Variants in KCNJ6 observed in about 807,000 individuals in gnomAD.
The protein encoded by KCNJ6 is potassium inwardly rectifying channel subfamily J member 6, also known as G protein-activated inward rectifier potassium channel 2.
KCNJ6 carries 9 observed loss-of-function variants against 34.2 expected under a neutral mutation model. That is an observed-to-expected ratio of 0.26 (90% CI 0.16 to 0.46). The LOEUF is 0.46. KCNJ6 is among the 20% of genes least tolerant of loss of function. The pLI is 1.00. For missense variants in KCNJ6, 236 were observed against 531.3 expected (o/e 0.44, Z 5.46); for synonymous variants, 196 against 207.1 (o/e 0.95, Z 0.46).
At chr21:37,900,774 G>C (rs1468859850) in intron 1 of KCNJ6, among the ~76,000 whole-genome samples, 4 of 152,174 alleles carry the variant, frequency 2.6e-5, no homozygotes, top group Admixed American at 2.0e-4. Context: ...TAGAGAAACA[G>C]CATGAGGCCA....
At chr21:37,823,165 C>G (rs2055382382) in intron 2 of KCNJ6, among the ~76,000 whole-genome samples, 2 of 152,150 alleles carry the variant, frequency 1.3e-5, no homozygotes, top group African/African-American at 4.8e-5. Context: ...ACCTGCCGAA[C>G]CAGCCCCCAC....
chr21:37,634,336 C>T (rs2054347322), intron 3 of KCNJ6, among the ~76,000 whole-genome samples: 2 of 152,174 alleles, frequency 1.3e-5, no homozygotes, highest in African/African-American at 4.8e-5. Context: ...ATGTGAGCGT[C>T]ATGCACCTGC....
intron 1 of KCNJ6, among the ~76,000 whole-genome samples, chr21:37,891,316 CAG>C (rs1314303542): frequency 6.6e-6 from 1 of 152,092 alleles, no homozygotes; most frequent in Non-Finnish European, 1.5e-5. Flanking sequence ...CACATAGACA[CAG>C]AGACAGATAC....
At chr21:37,665,258 G>T (rs1374531444) in intron 3 of KCNJ6, among the ~76,000 whole-genome samples, 1 of 152,174 alleles carries the variant, frequency 6.6e-6, no homozygotes, top group South Asian at 2.1e-4. Flanking sequence ...TAAATAAACA[G>T]TAACTATTAT....
At chr21:37,626,470 T>C (rs2054311684) in intron 3 of KCNJ6, among the ~76,000 whole-genome samples, 1 of 152,182 alleles carries the variant, frequency 6.6e-6, no homozygotes. Context: ...AGCCTTTTTG[T>C]AATTTGCATA....
intron 2 of KCNJ6, among the ~76,000 whole-genome samples, chr21:37,774,273 G>C (rs2055131246): frequency 6.6e-6 from 1 of 152,124 alleles, no homozygotes. Context: ...TTGTTTGAGT[G>C]CTGAATAATT....
chr21:37,656,838 C>G (rs1217714713), intron 3 of KCNJ6, among the ~76,000 whole-genome samples: 2 of 152,214 alleles, frequency 1.3e-5, no homozygotes, highest in Non-Finnish European at 2.9e-5. Context: ...TTCCTTCTCT[C>G]TGCTGGAAGA....
rs1569438834 is a variant in KCNJ6 at position 37,655,213 on chromosome 21, GT to G, written c.947-29730del. Among the ~76,000 whole-genome samples, 373 of 54,546 alleles carry G rather than the reference GT, an allele frequency of 6.8e-3. 9 individuals are homozygous for G. Among genetic ancestry groups the G allele is most frequent in the African/African-American group, 0.013 (254 of 19,082 alleles). 35.8% of individuals were successfully genotyped at this position (54,546 alleles called of 152,430 possible). On this transcript the variant is annotated intron_variant, in intron 3 of 3. Coordinates refer to ENST00000609713, the MANE Select transcript of KCNJ6 (RefSeq NM_002240.5). ...TGTGTGTGTGTGTGTGTGTGTGTGTGTGTGTGTGTGTGAGAGAGAGAGAGAG... is the reference window on the plus strand; with the variant it reads ...TGTGTGTGTGTGTGTGTGTGTGTGTGGTGTGTGTGTGAGAGAGAGAGAGAG...
At chr21:37,686,530 C>T (rs1055299904) in intron 3 of KCNJ6, among the ~76,000 whole-genome samples, 30 of 120,740 alleles carry the variant, frequency 2.5e-4, no homozygotes, top group South Asian at 5.9e-4. Context: ...TGCAGTGGTG[C>T]GATCTCGGCT....
intron 3 of KCNJ6, among the ~76,000 whole-genome samples, chr21:37,656,073 C>T (rs1392701374): frequency 1.3e-5 from 2 of 152,158 alleles, no homozygotes; most frequent in African/African-American, 4.8e-5. Context: ...GGCATGCACA[C>T]GTTACATCAA....
At chr21:37,780,183 T>C (rs992691114) in intron 2 of KCNJ6, among the ~76,000 whole-genome samples, 6 of 152,200 alleles carry the variant, frequency 3.9e-5, no homozygotes, top group Non-Finnish European at 8.8e-5. Context: ...TAAATGCACA[T>C]TGCTAAGTGA....
intron 3 of KCNJ6, among the ~76,000 whole-genome samples, chr21:37,700,755 T>G (rs973666976): frequency 1.3e-5 from 2 of 152,094 alleles, no homozygotes; most frequent in African/African-American, 4.8e-5. Context: ...TTGTGCAGGA[T>G]GTACACTGCA....
intron 3 of KCNJ6, among the ~76,000 whole-genome samples, chr21:37,654,770 T>C (rs1349492317): frequency 1.3e-5 from 2 of 152,144 alleles, no homozygotes; most frequent in Non-Finnish European, 2.9e-5. Context: ...TGTCCTGGCA[T>C]TTGTGGTGGC....
At chr21:37,872,416 C>T (rs769362752) in intron 1 of KCNJ6, among the ~76,000 whole-genome samples, 18 of 152,278 alleles carry the variant, frequency 1.2e-4, no homozygotes, top group African/African-American at 2.2e-4. Context: ...TCTGTGTCAC[C>T]GGCATTAGTT....
chr21:37,653,040 A>G (rs954606457), intron 3 of KCNJ6, among the ~76,000 whole-genome samples: 4 of 152,158 alleles, frequency 2.6e-5, no homozygotes, highest in African/African-American at 9.7e-5. Context: ...ATTTAGAATG[A>G]TGCTCATCTG....
At chr21:37,640,107 C>T (rs1273888818) in intron 3 of KCNJ6, among the ~76,000 whole-genome samples, 2 of 152,328 alleles carry the variant, frequency 1.3e-5, no homozygotes, top group East Asian at 1.9e-4. Flanking sequence ...TATGCATACA[C>T]GTTCTTGTTT....
In KCNJ6 at chr21:37,625,107, C is replaced by A; in HGVS notation, c.*52G>T. 8.0e-7 allele frequency: 1 copy of A among 1,243,566 alleles called. No homozygotes were observed. Among genetic ancestry groups the A allele is most frequent in the Non-Finnish European group, 1.2e-6 (1 of 867,546 alleles). The allele number at this position is 1,243,566 out of a possible 1,614,324, so 77.0% of individuals were successfully genotyped here. On this transcript the variant is annotated 3_prime_UTR_variant, in exon 4 of 4. Transcript: ENST00000609713. ...ACAGAAAAAGAAAGAGAATGAGAGA[C>A]AAGGAAAGATTGTGTTGGGGGGAGA... is the stretch of plus-strand genomic sequence containing the variant.
intron 1 of KCNJ6, among the ~76,000 whole-genome samples, chr21:37,890,004 C>T (rs962574155): frequency 4.6e-5 from 7 of 152,138 alleles, no homozygotes; most frequent in Non-Finnish European, 1.0e-4. Context: ...TTTTTTCTTC[C>T]TATTTCTGGA....
At chr21:37,779,724 C>T (rs1049905020) in intron 2 of KCNJ6, among the ~76,000 whole-genome samples, 2 of 152,162 alleles carry the variant, frequency 1.3e-5, no homozygotes, top group Non-Finnish European at 2.9e-5. Context: ...AGCACATGTG[C>T]TAGTGATTCT....
Sources: gnomAD v4.1 joint callset for allele counts (sites outside exome capture counted in the v4.1 genomes callset) on GRCh38, gnomAD v4.1.1 for gene constraint, MANE v1.5 for transcripts, NCBI Gene and HGNC (gene_info 2026-07-23, HGNC 2026-07-21) for gene names.